Variants in SUCLG2 observed in about 807,000 individuals in gnomAD.
The protein encoded by SUCLG2 is succinate--CoA ligase [GDP-forming] subunit beta, mitochondrial.
Under a neutral mutation model 47.9 loss-of-function variants are expected in SUCLG2, and 42 were observed. The observed-to-expected ratio is 0.88, with a 90% CI of 0.69 to 1.14. The LOEUF is 1.14. Ranked by LOEUF, SUCLG2 falls within the 50% of genes most tolerant of loss-of-function variation. The probability of loss-of-function intolerance (pLI) is 0.00; values close to 1 mark genes in which losing one functional copy is unlikely to be tolerated. For missense variants in SUCLG2, 571 were observed against 525.9 expected (o/e 1.09, Z -0.84); for synonymous variants, 195 against 197.3 (o/e 0.99, Z 0.10).
chr3:67,544,110 T>C (rs1396231826), intron 2 of SUCLG2, among the ~76,000 whole-genome samples: 2 of 152,214 alleles, frequency 1.3e-5, no homozygotes, highest in Non-Finnish European at 2.9e-5. Flanking sequence ...GTCATGGTCA[T>C]TGCCTTTTGT....
chr3:67,564,838 C>T (rs1707409442), intron 2 of SUCLG2, among the ~76,000 whole-genome samples: 2 of 152,194 alleles, frequency 1.3e-5, no homozygotes, highest in Non-Finnish European at 2.9e-5. Flanking sequence ...AATCCAGGTA[C>T]TGCAGTGGAA....
At chr3:67,377,934 A>G (rs1230860989) in intron 10 of SUCLG2, among the ~76,000 whole-genome samples, 1 of 152,184 alleles carries the variant, frequency 6.6e-6, no homozygotes, top group Non-Finnish European at 1.5e-5. Context: ...GATTACAGGC[A>G]TGAGCCCTTG....
At position 67,514,369 on chromosome 3, in the gene SUCLG2, T is replaced by C. The variant is rs561690289; in HGVS notation, c.660+3878A>G. 3 of 320,800 alleles carry C rather than the reference T, an allele frequency of 9.4e-6. No homozygotes were observed. The East Asian group carries it at 2.3e-4, about 25-fold the overall frequency. The allele number at this position is 320,800 out of a possible 1,614,324, so 19.9% of individuals were successfully genotyped here. On this transcript the variant is annotated intron_variant, in intron 6 of 10. Coordinates refer to ENST00000307227, the MANE Select transcript of SUCLG2 (RefSeq NM_003848.4). ...TGTATTCTTGCTGAAATAAATCGTCTATTAATCAAACAAAAATCTCAACAG... is the reference window on the plus strand; with the variant it reads ...TGTATTCTTGCTGAAATAAATCGTCCATTAATCAAACAAAAATCTCAACAG...
chr3:67,451,433 A>G (rs1212049141), intron 9 of SUCLG2, among the ~76,000 whole-genome samples: 1 of 152,238 alleles, frequency 6.6e-6, no homozygotes, highest in Non-Finnish European at 1.5e-5. Context: ...TCTCACGTAC[A>G]GTTGTCAGAA....
intron 2 of SUCLG2, among the ~76,000 whole-genome samples, chr3:67,553,701 TTAAAA>T (rs1319090642): frequency 6.7e-6 from 1 of 149,410 alleles, no homozygotes; most frequent in Non-Finnish European, 1.5e-5. Flanking sequence ...CCCTAACAAA[TTAAAA>T]TAAAAGATTC....
intron 7 of SUCLG2, among the ~76,000 whole-genome samples, chr3:67,501,466 A>G (rs886146215): frequency 2.0e-5 from 3 of 152,064 alleles, no homozygotes; most frequent in Admixed American, 2.0e-4. Context: ...GTGATTTCCT[A>G]AGCAATAGGG....
intron 9 of SUCLG2, among the ~76,000 whole-genome samples, chr3:67,466,980 T>C (rs375401056): frequency 2.0e-5 from 3 of 152,340 alleles, no homozygotes; most frequent in African/African-American, 7.2e-5. Flanking sequence ...TTACATCTAG[T>C]CCAATAGAAC....
At chr3:67,400,999 A>C in intron 9 of SUCLG2, 148 bp from the exon 10 acceptor site, 1 of 1,142,682 alleles carries the variant, frequency 8.8e-7, no homozygotes, top group African/African-American at 1.6e-5. Flanking sequence ...AAAATGGCCC[A>C]GAACATGTTA....
chr3:67,637,175 T>C (rs949137362), intron 1 of SUCLG2, among the ~76,000 whole-genome samples: 19 of 152,138 alleles, frequency 1.2e-4, no homozygotes, highest in Admixed American at 1.1e-3. Flanking sequence ...TTCTTCAATA[T>C]GCCCAGATGA....
intron 2 of SUCLG2, among the ~76,000 whole-genome samples, chr3:67,542,220 C>T (rs932117700): frequency 6.6e-6 from 1 of 152,090 alleles, no homozygotes; most frequent in Admixed American, 6.5e-5. Context: ...ATTTCATATC[C>T]AGCCAAACTA....
chr3:67,389,956 T>C (rs1162988572), intron 10 of SUCLG2, among the ~76,000 whole-genome samples: 1 of 152,176 alleles, frequency 6.6e-6, no homozygotes, highest in East Asian at 1.9e-4. Context: ...GTCTCCATCA[T>C]CCCAGTAGCT....
intron 2 of SUCLG2, among the ~76,000 whole-genome samples, chr3:67,584,541 T>C (rs1707961844): frequency 1.3e-5 from 2 of 152,196 alleles, no homozygotes; most frequent in South Asian, 4.1e-4. Flanking sequence ...GTTTTTGAGG[T>C]TCATTCATGT....
chr3:67,451,058 T>C (rs1704046013), intron 9 of SUCLG2, among the ~76,000 whole-genome samples: 1 of 152,348 alleles, frequency 6.6e-6, no homozygotes, highest in East Asian at 1.9e-4. Context: ...TTCCTTCCTA[T>C]TATTCCCAAT....
At chr3:67,402,616 C>A (rs907171468) in intron 9 of SUCLG2, among the ~76,000 whole-genome samples, 2 of 152,132 alleles carry the variant, frequency 1.3e-5, no homozygotes, top group Non-Finnish European at 2.9e-5. Context: ...CTTGCCAGAA[C>A]AATAGAAGAA....
chr3:67,654,518 C>T lies in SUCLG2; in HGVS notation c.69G>A (p.Leu23=). Residue 23 remains leucine (L), a synonymous_variant, in exon 1 of 11, where the codon CTG becomes CTA. Transcript: ENST00000307227. The stretch of plus-strand genomic sequence containing the variant: ...CCACGCTCACCTGGGACCCGGCCGC[C>T]AGGAAGCGGGGCCGCAGCGCTAGGG... ...LRALALRPRF[L]AAGSQAVQLT... 1.6e-6 allele frequency: 2 copies of T among 1,247,600 alleles called. No individual in the cohort carries two copies. The highest frequency in any genetic ancestry group is 1.0e-6 in the Non-Finnish European group (1 of 994,418). The allele number at this position is 1,247,600 out of a possible 1,614,324, so 77.3% of individuals were successfully genotyped here. A position where few individuals can be genotyped will look rare whatever the true frequency, so the allele number is the denominator to read the frequency against.
intron 2 of SUCLG2, among the ~76,000 whole-genome samples, chr3:67,587,690 GTTT>G (rs1416527936): frequency 2.0e-5 from 3 of 152,100 alleles, no homozygotes; most frequent in Non-Finnish European, 4.4e-5. Context: ...AAAAAAATAA[GTTT>G]TTTAATTGTA....
chr3:67,651,915 T>A lies in SUCLG2; in HGVS notation c.84+2588A>T, dbSNP rs1455925928. Among the ~76,000 whole-genome samples the A allele has an allele frequency of 4.6e-5, 7 of 152,302 alleles. No homozygotes were observed. The East Asian group carries it at 1.4e-3, about 29-fold the overall frequency. On this transcript the variant is annotated intron_variant, in intron 1 of 10. Transcript: ENST00000307227. ...TCACAGAATCTGTCATTGGCTGAAA[T>A]CATTTTCATTATTGGTTATATGTGT...
exon 11 of SUCLG2, chr3:67,360,530 T>G (rs1701788607): frequency 4.7e-6 from 6 of 1,264,932 alleles, no homozygotes; most frequent in Non-Finnish European, 6.3e-6. Context: ...TCCATTTCCA[T>G]TAGCATGCAG....
rs548251085 is a variant in SUCLG2 at position 67,524,678 on chromosome 3, A to G, written c.417+3454T>C. Among the ~76,000 whole-genome samples, 15 of 152,320 alleles carry G rather than the reference A, an allele frequency of 9.8e-5. No homozygotes were observed. In the South Asian group the frequency reaches 2.9e-3, roughly 29 times the overall value. On this transcript the variant is annotated intron_variant, in intron 4 of 10. Transcript: ENST00000307227. Reference sequence around the variant, plus strand: ...ATACTTTTGAGAAGATGGAGTAGACATGTTTTTCCCTATTCTTCCCGCTAA... The same window carrying G: ...ATACTTTTGAGAAGATGGAGTAGACGTGTTTTTCCCTATTCTTCCCGCTAA...
Sources: allele counts gnomAD v4.1 joint callset (sites outside exome capture counted in the v4.1 genomes callset), GRCh38; gene constraint gnomAD v4.1.1; transcripts MANE v1.5; gene names NCBI Gene and HGNC (gene_info 2026-07-23, HGNC 2026-07-21).